DIS3L: variants seen among roughly 807,000 people sequenced by gnomAD.
DIS3L encodes DIS3 like exosome 3'-5' exoribonuclease, also known as DIS3-like exonuclease 1.
In DIS3L, 100 loss-of-function variants were observed where a neutral mutation model predicts 120.3. The ratio of observed to expected loss-of-function variants is 0.83; its 90% CI spans 0.71 to 0.98. The LOEUF (loss-of-function observed/expected upper bound fraction) is 0.98. Among genes scored for constraint, DIS3L ranks in the 50% least tolerant of loss-of-function variants. The probability of loss-of-function intolerance (pLI) is 0.00; values close to 1 mark genes in which losing one functional copy is unlikely to be tolerated. For missense variants in DIS3L, 1,196 were observed against 1,314.2 expected (o/e 0.91, Z 1.39); for synonymous variants, 426 against 470.6 (o/e 0.91, Z 1.23).
chr15:66,311,772 T>G lies in DIS3L; in HGVS notation c.607T>G (p.Cys203Gly). The change falls in exon 5 of 17, where the codon TGT becomes GGT. Residue 203 changes from cysteine to glycine, a missense_variant. Physicochemically the swap from Cys to Gly is radical, Grantham distance 159 (BLOSUM62 -3). Coordinates refer to ENST00000319212, the MANE Select transcript of DIS3L (RefSeq NM_001143688.3). The part of the protein sequence containing the change: ...WPDLKAAHEL[C>G]DSILQSRRER... ...TGATTTAAAAGCTGCCCACGAGCTT[T>G]GTGATTCTATCCTTCAGTCTCGACG... The G allele has an allele frequency of 6.2e-7, 1 of 1,614,156 alleles. No homozygotes were observed. The highest frequency in any genetic ancestry group is 2.2e-5 in the East Asian group (1 of 44,888).
rs373638726 is a variant in DIS3L, at chr15:66,314,167, G to A, written c.814+50G>A. 331 of 1,355,926 alleles carry A rather than the reference G, an allele frequency of 2.4e-4. 1 individual carries two copies. Among genetic ancestry groups the A allele is most frequent in the Admixed American group, 4.6e-4 (13 of 28,570 alleles). 84.0% of individuals were successfully genotyped at this position (1,355,926 alleles called of 1,614,324 possible). ...TTCCATACTCCTTTTTTATTCTGAC[G>A]TTATACAATGAAGAAAGCAAAGTTG... is the stretch of plus-strand genomic sequence containing the variant. On this transcript the variant is annotated intron_variant, in intron 6 of 16. Coordinates refer to ENST00000319212, the MANE Select transcript of DIS3L (RefSeq NM_001143688.3).
At chr15:66,324,942 G>A (rs545902549) in intron 11 of DIS3L, among the ~76,000 whole-genome samples, 26 of 152,086 alleles carry the variant, frequency 1.7e-4, no homozygotes, top group Non-Finnish European at 3.2e-4. Context: ...ATGACTTGGT[G>A]GCAAAGAGTT....
At chr15:66,300,752 G>T (rs1386345994) in intron 2 of DIS3L, among the ~76,000 whole-genome samples, 2 of 152,182 alleles carry the variant, frequency 1.3e-5, no homozygotes, top group Non-Finnish European at 2.9e-5. Context: ...AACACTAGAG[G>T]AAGCCTGGGG....
rs141173452 is a variant in DIS3L at position 66,325,970 on chromosome 15, G to A, written c.1807G>A (p.Val603Ile). ...AGAACTACTGGATGGAAACTTAAGC[G>A]TTGTTGATGATATTCCAGAATTCAA... ...AQELLDGNLS[V>I]VDDIPEFKDL... Residue 603 changes from valine (V) to isoleucine (I), a missense_variant, in exon 12 of 17, where the codon GTT (valine) becomes ATT (isoleucine). Physicochemically the swap from Val to Ile is conservative, Grantham distance 29. Transcript: ENST00000319212. 91 of 1,614,152 alleles carry A rather than the reference G, an allele frequency of 5.6e-5. No homozygotes were observed. In the East Asian group the frequency reaches 1.2e-3, roughly 21 times the overall value.
chr15:66,309,098 T>TATATATATATATATATATATATATAG (rs2092734510), intron 4 of DIS3L, among the ~76,000 whole-genome samples: 1 of 3,112 alleles, frequency 3.2e-4, no homozygotes, highest in Non-Finnish European at 1.0e-3. Context: ...AAAAAAAATA[T>TATATATATATATATATATATATATAG]ATATATCTCC....
chr15:66,332,159 T>C (rs1035541924), intron 15 of DIS3L, 139 bp downstream of exon 15: 3 of 929,926 alleles, frequency 3.2e-6, no homozygotes, highest in Non-Finnish European at 4.4e-6. Context: ...TAATTCAGTA[T>C]ATAAATGTGA....
chr15:66,326,040 T>C lies in DIS3L; in HGVS notation c.1877T>C (p.Val626Ala), dbSNP rs1206606058. 1.9e-6 allele frequency: 3 copies of C among 1,614,000 alleles called. No homozygotes were observed. Among genetic ancestry groups the C allele is most frequent in the Non-Finnish European group, 2.5e-6 (3 of 1,179,936 alleles). The change falls in exon 12 of 17, where the codon GTG (valine) becomes GCG (alanine). Residue 626 changes from valine to alanine, a missense_variant. Physicochemically the swap from Val to Ala is moderately conservative, Grantham distance 64. Transcript: ENST00000319212. ...KSRQAKLEEL[V>A]WAIGKLTDIA... ...AGACAAGCCAAGCTGGAGGAGTTGG[T>C]GTGGGCAATTGGAAAGCTGACCGAC...
At chr15:66,294,880 C>A in intron 1 of DIS3L, 108 bp from the exon 2 acceptor site, 1 of 1,145,674 alleles carries the variant, frequency 8.7e-7, no homozygotes, top group Non-Finnish European at 1.2e-6. Flanking sequence ...AAACTCCCAC[C>A]ATGGAGTTAA....
intron 14 of DIS3L, chr15:66,330,221 C>T (rs1378609901): frequency 3.2e-5 from 30 of 936,234 alleles, no homozygotes; most frequent in African/African-American, 7.1e-5. Flanking sequence ...GGTGTGAACC[C>T]GGGAGGCGGA....
chr15:66,326,589 A>ATT, intron 12 of DIS3L: 2 of 507,624 alleles, frequency 3.9e-6, no homozygotes, highest in East Asian at 3.8e-5. Context: ...TTTTGTTTCA[A>ATT]TTTTTTTTTA....
chr15:66,320,422 C>T, intron 8 of DIS3L, 149 bp from the exon 9 acceptor site: 1 of 685,354 alleles, frequency 1.5e-6, no homozygotes, highest in Non-Finnish European at 2.2e-6. Flanking sequence ...GAATGAAAAA[C>T]AAAAAAAAAA....
chr15:66,320,429 A>AT, intron 8 of DIS3L, 142 bp from the exon 9 acceptor site: 1 of 839,762 alleles, frequency 1.2e-6, no homozygotes, highest in Non-Finnish European at 1.7e-6. Flanking sequence ...AAACAAAAAA[A>AT]AAACCCTACC....
At chr15:66,332,064 A>G (rs767529380) in intron 15 of DIS3L, 44 bp downstream of exon 15, 22 of 1,558,132 alleles carry the variant, frequency 1.4e-5, no homozygotes, top group South Asian at 1.2e-5. Context: ...ATCATAGTTA[A>G]AAGTGTAGAA....
intron 1 of DIS3L, chr15:66,294,086 A>G (rs2092556955): frequency 1.0e-6 from 1 of 985,782 alleles, no homozygotes; most frequent in Non-Finnish European, 1.2e-6. Flanking sequence ...GCCGTGGAGA[A>G]ATGGGGAGGT....
intron 12 of DIS3L, 80 bp downstream of exon 12, chr15:66,326,444 A>G: frequency 6.9e-7 from 1 of 1,443,816 alleles, no homozygotes. Context: ...TTAAAATGTG[A>G]CAGCCAGATC....
At chr15:66,297,894 A>G (rs2092605363) in intron 2 of DIS3L, among the ~76,000 whole-genome samples, 1 of 152,072 alleles carries the variant, frequency 6.6e-6, no homozygotes, top group Admixed American at 6.6e-5. Context: ...TAAGATGGGA[A>G]TCAGGCCAGG....
intron 8 of DIS3L, among the ~76,000 whole-genome samples, chr15:66,320,318 T>C (rs1800055638): frequency 6.6e-6 from 1 of 152,124 alleles, no homozygotes; most frequent in South Asian, 2.1e-4. Context: ...CAGACTAAAA[T>C]TTCCAGCCCT....
At chr15:66,323,931 T>C (rs2092911787) in intron 11 of DIS3L, among the ~76,000 whole-genome samples, 1 of 152,192 alleles carries the variant, frequency 6.6e-6, no homozygotes, top group Non-Finnish European at 1.5e-5. Flanking sequence ...GGCATGAGGA[T>C]CATGAACTCG....
rs780087959 is a variant in DIS3L at position 66,329,216 on chromosome 15, T to G, written c.2357-5T>G. ...TTATTTTGATCTTTTGCTTTCTTTT[T>G]GAAGGTCTTGCATTAGATAAATATA... On this transcript the variant is annotated splice_polypyrimidine_tract_variant and splice_region_variant and intron_variant, in intron 13 of 16. Coordinates refer to ENST00000319212, the MANE Select transcript of DIS3L (RefSeq NM_001143688.3). 2 of 1,587,116 alleles carry G rather than the reference T, an allele frequency of 1.3e-6. No individual in the cohort carries two copies. Among genetic ancestry groups the G allele is most frequent in the Non-Finnish European group, 1.7e-6 (2 of 1,168,748 alleles).
Sources: gnomAD v4.1 joint callset for allele counts (sites outside exome capture counted in the v4.1 genomes callset) on GRCh38, gnomAD v4.1.1 for gene constraint, MANE v1.5 for transcripts, NCBI Gene and HGNC (gene_info 2026-07-23, HGNC 2026-07-21) for gene names.